The following TUSC3 variants were observed in gnomAD, a reference collection of about 807,000 sequenced individuals.
TUSC3 encodes tumor suppressor candidate 3.
In TUSC3, 45 loss-of-function variants were observed where a neutral mutation model predicts 44.8. The observed-to-expected ratio is 1.00, with a 90% CI of 0.79 to 1.29. The LOEUF (loss-of-function observed/expected upper bound fraction) is 1.29, where lower values mean the gene tolerates loss of function less well. Among genes scored for constraint, TUSC3 ranks in the 50% most tolerant of loss-of-function variants. The pLI is 0.00. For missense variants in TUSC3, 519 were observed against 437.9 expected (o/e 1.19, Z -1.65); for synonymous variants, 212 against 152.9 (o/e 1.39, Z -2.85).
chr8:15,526,659 C>G (rs1014660929), intron 2 of TUSC3, among the ~76,000 whole-genome samples: 1 of 152,162 alleles, frequency 6.6e-6, no homozygotes, highest in Non-Finnish European at 1.5e-5. Flanking sequence ...GATTGTGAGG[C>G]CTCTCCAGTT....
the TUSC3 span, among the ~76,000 whole-genome samples, chr8:15,835,001 T>C: frequency 2.0e-5 from 3 of 152,222 alleles, no homozygotes; most frequent in Non-Finnish European, 2.9e-5. Context: ...CCCCCAAGTA[T>C]AGGGAAGCAT....
At chr8:15,494,149 C>G (rs569219373) in intron 2 of TUSC3, among the ~76,000 whole-genome samples, 1 of 152,040 alleles carries the variant, frequency 6.6e-6, no homozygotes, top group African/African-American at 2.4e-5. Context: ...TTGGCTGTTT[C>G]GAGTTGTCTT....
intron 3 of TUSC3, among the ~76,000 whole-genome samples, chr8:15,658,082 G>A (rs181400014): frequency 1.3e-5 from 2 of 152,226 alleles, no homozygotes; most frequent in Admixed American, 1.3e-4. Flanking sequence ...TATTGCTACA[G>A]TGGCAATTAG....
At chr8:15,640,571 C>A (rs1563148858) in intron 2 of TUSC3, among the ~76,000 whole-genome samples, 1 of 152,150 alleles carries the variant, frequency 6.6e-6, no homozygotes, top group Non-Finnish European at 1.5e-5. Context: ...TTTTTCAGAT[C>A]TGTAGAATAA....
At chr8:15,513,397 A>T (rs1801170034) in intron 2 of TUSC3, among the ~76,000 whole-genome samples, 1 of 152,168 alleles carries the variant, frequency 6.6e-6, no homozygotes, top group South Asian at 2.1e-4. Flanking sequence ...TTTCCTAGGG[A>T]TATTTGCTGG....
At chr8:15,791,272 C>G in the TUSC3 span, among the ~76,000 whole-genome samples, 1 of 132,584 alleles carries the variant, frequency 7.5e-6, no homozygotes, top group Non-Finnish European at 1.7e-5. Context: ...TCTTAGCGCC[C>G]CCCCCAACCC....
chr8:15,669,910 GA>G (rs1373438265), intron 5 of TUSC3, among the ~76,000 whole-genome samples: 1 of 149,806 alleles, frequency 6.7e-6, no homozygotes, highest in Non-Finnish European at 1.5e-5. Flanking sequence ...TTTGTACATA[GA>G]AAAAAAAATT....
chr8:15,848,171 G>T, the TUSC3 span, among the ~76,000 whole-genome samples: 8 of 152,146 alleles, frequency 5.3e-5, no homozygotes, highest in African/African-American at 1.4e-4. Context: ...TCAACCACAA[G>T]CATGCAACTT....
At chr8:15,679,164 T>A (rs1430660435) in intron 6 of TUSC3, among the ~76,000 whole-genome samples, 2 of 152,142 alleles carry the variant, frequency 1.3e-5, no homozygotes, top group Non-Finnish European at 2.9e-5. Flanking sequence ...TAATTTTAGT[T>A]CCTTGAAAAA....
the TUSC3 span, among the ~76,000 whole-genome samples, chr8:15,780,761 C>G: frequency 6.6e-6 from 1 of 152,126 alleles, no homozygotes; most frequent in Non-Finnish European, 1.5e-5. Flanking sequence ...GGGCAATGAG[C>G]ACCCCAGCTT....
intron 6 of TUSC3, among the ~76,000 whole-genome samples, chr8:15,720,914 C>G (rs1230312884): frequency 6.6e-6 from 1 of 151,942 alleles, no homozygotes; most frequent in East Asian, 1.9e-4. Context: ...CCCTGGCCAC[C>G]CAGGGTTCTT....
At chr8:15,643,597 G>C (rs1430226533) in intron 2 of TUSC3, among the ~76,000 whole-genome samples, 1 of 152,126 alleles carries the variant, frequency 6.6e-6, no homozygotes, top group Non-Finnish European at 1.5e-5. Context: ...TGAAGAAAAT[G>C]GATGCACAGG....
At chr8:15,456,896 T>G (rs1192563964) in intron 1 of TUSC3, among the ~76,000 whole-genome samples, 1 of 152,090 alleles carries the variant, frequency 6.6e-6, no homozygotes, top group African/African-American at 2.4e-5. Flanking sequence ...ACCAAAAGCA[T>G]TGACTTGAAT....
intron 6 of TUSC3, among the ~76,000 whole-genome samples, chr8:15,726,721 G>A (rs944722908): frequency 1.5e-4 from 23 of 152,114 alleles, no homozygotes; most frequent in African/African-American, 2.7e-4. Context: ...CAGGATAATC[G>A]TTTGAACCCA....
intron 1 of TUSC3, among the ~76,000 whole-genome samples, chr8:15,436,070 C>G (rs1292394977): frequency 1.3e-5 from 2 of 152,152 alleles, no homozygotes; most frequent in Admixed American, 6.6e-5. Context: ...ATCGCTCATT[C>G]ACATACCTGG....
intron 1 of TUSC3, among the ~76,000 whole-genome samples, chr8:15,550,390 A>G (rs544592463): frequency 1.3e-5 from 2 of 151,858 alleles, no homozygotes; most frequent in South Asian, 4.2e-4. Flanking sequence ...AGAGAATAGT[A>G]ACTGTAGAAT....
At chr8:15,730,424 A>G (rs1810670705) in intron 6 of TUSC3, among the ~76,000 whole-genome samples, 2 of 152,180 alleles carry the variant, frequency 1.3e-5, no homozygotes, top group Admixed American at 1.3e-4. Context: ...TTAACAAGTT[A>G]TATTAAGTTT....
chr8:15,639,128 A>T (rs1460493047), intron 2 of TUSC3, among the ~76,000 whole-genome samples: 2 of 149,584 alleles, frequency 1.3e-5, no homozygotes, highest in African/African-American at 5.0e-5. Flanking sequence ...ATGCTAGATC[A>T]CGTGATGTTC....
At chr8:15,822,664 G>C in the TUSC3 span, among the ~76,000 whole-genome samples, 41 of 152,206 alleles carry the variant, frequency 2.7e-4, 2 homozygotes, top group South Asian at 8.3e-3. Context: ...GCCTAGAAAA[G>C]ATAAGGAACC....
Sources: gnomAD v4.1 joint callset for allele counts (sites outside exome capture counted in the v4.1 genomes callset) on GRCh38, gnomAD v4.1.1 for gene constraint, MANE v1.5 for transcripts, NCBI Gene and HGNC (gene_info 2026-07-23, HGNC 2026-07-21) for gene names.